IGSF11: variants seen among roughly 807,000 people sequenced by gnomAD.
IGSF11 encodes the protein immunoglobulin superfamily member 11, also known as CXADR like 1.
A neutral mutation model predicts 41.0 loss-of-function variants in IGSF11; 22 were observed. That is an observed-to-expected ratio of 0.54 (90% CI 0.38 to 0.77). IGSF11 has a LOEUF of 0.77. Ranked by LOEUF, IGSF11 falls within the 30% of genes least tolerant of loss-of-function variation. The probability of loss-of-function intolerance (pLI) is 0.00; values close to 1 mark genes in which losing one functional copy is unlikely to be tolerated. For missense variants in IGSF11, 444 were observed against 530.8 expected, an observed-to-expected ratio of 0.84 and a Z score of 1.61; for synonymous variants, 219 against 201.3, an observed-to-expected ratio of 1.09 and a Z score of -0.74.
At chr3:119,056,306 C>T (rs1348395859) in intron 1 of IGSF11, among the ~76,000 whole-genome samples, 1 of 152,146 alleles carries the variant, frequency 6.6e-6, no homozygotes, top group Non-Finnish European at 1.5e-5. Context: ...ATCGATTACA[C>T]AGAAATATAA....
chr3:119,059,025 G>A (rs60853577), intron 1 of IGSF11, among the ~76,000 whole-genome samples: 7,571 of 149,692 alleles, frequency 0.051, 679 homozygotes, highest in African/African-American at 0.18. Context: ...CCTAATGCTA[G>A]ATGACGAGTT....
intron 1 of IGSF11, among the ~76,000 whole-genome samples, chr3:119,140,164 A>G (rs2077622926): frequency 6.6e-6 from 1 of 152,174 alleles, no homozygotes; most frequent in Non-Finnish European, 1.5e-5. Context: ...CAAAAGGCAG[A>G]GATAGTCAGA....
chr3:119,050,927 A>G (rs1941596409), intron 1 of IGSF11, among the ~76,000 whole-genome samples: 1 of 146,894 alleles, frequency 6.8e-6, no homozygotes, highest in Non-Finnish European at 1.5e-5. Context: ...ATTCTCACTC[A>G]TAGGTGGGAA....
intron 3 of IGSF11, among the ~76,000 whole-genome samples, chr3:118,927,713 C>T (rs1397693157): frequency 6.6e-6 from 1 of 152,178 alleles, no homozygotes; most frequent in Non-Finnish European, 1.5e-5. Flanking sequence ...AGAACATCAA[C>T]CTTCTCAAAA....
chr3:118,993,634 TAA>T (rs750313669), intron 1 of IGSF11, among the ~76,000 whole-genome samples: 1 of 151,920 alleles, frequency 6.6e-6, no homozygotes, highest in Non-Finnish European at 1.5e-5. Context: ...AATGAAAAAA[TAA>T]AAAGTTATAT....
chr3:119,037,914 G>A (rs929015006), upstream of IGSF11, among the ~76,000 whole-genome samples: 3 of 152,008 alleles, frequency 2.0e-5, no homozygotes, highest in East Asian at 1.9e-4. Flanking sequence ...TAAATTAAAG[G>A]TTAATTGCAT....
intron 1 of IGSF11, among the ~76,000 whole-genome samples, chr3:119,135,493 C>T (rs1471712403): frequency 6.6e-6 from 1 of 152,126 alleles, no homozygotes; most frequent in African/African-American, 2.4e-5. Context: ...CAGAGAAATG[C>T]AAATCAAAAT....
chr3:118,904,909 A>G, intron 5 of IGSF11, 111 bp from the exon 6 acceptor site: 1 of 857,356 alleles, frequency 1.2e-6, no homozygotes, highest in South Asian at 2.5e-5. Flanking sequence ...CTTAAAACGT[A>G]TAAAACTCTC....
At chr3:118,937,541 A>C (rs1424933114) in intron 1 of IGSF11, among the ~76,000 whole-genome samples, 1 of 152,176 alleles carries the variant, frequency 6.6e-6, no homozygotes, top group Non-Finnish European at 1.5e-5. Flanking sequence ...CTGAAATTCA[A>C]TTATATTTTG....
chr3:119,135,250 G>A (rs1033010368), intron 1 of IGSF11, among the ~76,000 whole-genome samples: 5 of 152,128 alleles, frequency 3.3e-5, no homozygotes, highest in African/African-American at 1.2e-4. Flanking sequence ...CACAGCAAAA[G>A]AAACTACCAT....
chr3:119,095,793 T>C (rs1174591950), intron 1 of IGSF11, among the ~76,000 whole-genome samples: 1 of 152,182 alleles, frequency 6.6e-6, no homozygotes, highest in Non-Finnish European at 1.5e-5. Flanking sequence ...GCCTATTCTT[T>C]GGGGGAAGAA....
intron 1 of IGSF11, among the ~76,000 whole-genome samples, chr3:119,111,316 C>T (rs2077154381): frequency 6.6e-6 from 1 of 152,222 alleles, no homozygotes; most frequent in African/African-American, 2.4e-5. Flanking sequence ...CTCTAAACTT[C>T]CCTTCTTGCT....
intron 1 of IGSF11, among the ~76,000 whole-genome samples, chr3:119,120,541 T>C (rs990657376): frequency 4.6e-5 from 7 of 152,218 alleles, no homozygotes; most frequent in Admixed American, 6.5e-5. Context: ...TGGAATGCAA[T>C]CAATTGTGTA....
intron 1 of IGSF11, among the ~76,000 whole-genome samples, chr3:119,098,336 C>T (rs2076888794): frequency 6.6e-6 from 1 of 152,080 alleles, no homozygotes; most frequent in African/African-American, 2.4e-5. Flanking sequence ...GGAAGCAAAA[C>T]ACTTAGAGCA....
intron 1 of IGSF11, among the ~76,000 whole-genome samples, chr3:118,951,129 T>C (rs1407923127): frequency 1.3e-5 from 2 of 152,230 alleles, no homozygotes; most frequent in Non-Finnish European, 2.9e-5. Context: ...AGCATCTGAA[T>C]TGTACCTAAT....
At chr3:119,065,449 G>A (rs891521557) in intron 1 of IGSF11, among the ~76,000 whole-genome samples, 3 of 151,190 alleles carry the variant, frequency 2.0e-5, no homozygotes, top group Admixed American at 2.0e-4. Context: ...TTTTTTCCTT[G>A]TAATTTCCTT....
At chr3:118,968,638 ACT>A (rs1161856725) in intron 1 of IGSF11, among the ~76,000 whole-genome samples, 1 of 152,106 alleles carries the variant, frequency 6.6e-6, no homozygotes, top group African/African-American at 2.4e-5. Flanking sequence ...CAGAGCAATA[ACT>A]CTCTCTTTAT....
At chr3:118,925,954 T>C (rs1942251469) in intron 4 of IGSF11, 147 bp downstream of exon 4, 1 of 474,178 alleles carries the variant, frequency 2.1e-6, no homozygotes, top group Non-Finnish European at 3.5e-6. Flanking sequence ...TTTATTCACT[T>C]TAAATTTGAA....
intron 4 of IGSF11, among the ~76,000 whole-genome samples, chr3:118,920,236 T>C (rs2107512907): frequency 6.8e-6 from 1 of 146,660 alleles, no homozygotes; most frequent in East Asian, 2.1e-4. Context: ...AATGTGCACA[T>C]GTACCCTAAA....
Sources: gnomAD v4.1 joint callset for allele counts (sites outside exome capture counted in the v4.1 genomes callset) on GRCh38, gnomAD v4.1.1 for gene constraint, MANE v1.5 for transcripts, NCBI Gene and HGNC (gene_info 2026-07-23, HGNC 2026-07-21) for gene names.